Variants in LRRC4C observed in about 807,000 individuals in gnomAD.
LRRC4C encodes leucine-rich repeat-containing protein 4C.
LRRC4C carries 5 observed loss-of-function variants against 33.6 expected under a neutral mutation model. The ratio of observed to expected loss-of-function variants is 0.15; its 90% CI spans 0.08 to 0.31. LRRC4C has a LOEUF of 0.31. Among genes scored for constraint, LRRC4C ranks in the 10% least tolerant of loss-of-function variants. The pLI is 1.00. For missense variants in LRRC4C, 560 were observed against 796.7 expected, an observed-to-expected ratio of 0.70 and a Z score of 3.58; for synonymous variants, 329 against 302.0, an observed-to-expected ratio of 1.09 and a Z score of -0.93.
intron 3 of LRRC4C, among the ~76,000 whole-genome samples, chr11:40,368,216 A>G (rs973842982): frequency 1.1e-4 from 17 of 152,316 alleles, no homozygotes; most frequent in Admixed American, 9.2e-4. Context: ...AGGCTATGAG[A>G]GACTATTGGT....
At chr11:41,398,816 A>G (rs1953918812) in intron 1 of LRRC4C, among the ~76,000 whole-genome samples, 2 of 151,922 alleles carry the variant, frequency 1.3e-5, no homozygotes, top group Non-Finnish European at 2.9e-5. Flanking sequence ...GTAAATTATT[A>G]AATTTCTAAG....
intron 3 of LRRC4C, among the ~76,000 whole-genome samples, chr11:40,390,046 C>T (rs1186305588): frequency 6.6e-6 from 1 of 152,130 alleles, no homozygotes; most frequent in African/African-American, 2.4e-5. Flanking sequence ...CATCAATGAG[C>T]ATTTATAATT....
intron 1 of LRRC4C, among the ~76,000 whole-genome samples, chr11:41,221,234 G>A (rs988924702): frequency 6.6e-6 from 1 of 151,290 alleles, no homozygotes; most frequent in Non-Finnish European, 1.5e-5. Context: ...AGTGGGCAAA[G>A]GACATGAACA....
chr11:40,216,322 T>C (rs1376899837), intron 5 of LRRC4C, among the ~76,000 whole-genome samples: 1 of 152,124 alleles, frequency 6.6e-6, no homozygotes, highest in African/African-American at 2.4e-5. Flanking sequence ...ATGACTGGAA[T>C]CCCAGCTGTA....
intron 1 of LRRC4C, among the ~76,000 whole-genome samples, chr11:41,065,028 G>A (rs777253772): frequency 7.2e-5 from 11 of 152,096 alleles, no homozygotes; most frequent in Admixed American, 4.6e-4. Flanking sequence ...ACACTACAGC[G>A]GCGCCTGGTA....
intron 3 of LRRC4C, among the ~76,000 whole-genome samples, chr11:40,559,068 T>C (rs942329250): frequency 3.3e-5 from 5 of 152,208 alleles, no homozygotes; most frequent in Admixed American, 3.3e-4. Context: ...TAGTATTCCA[T>C]GGTTTATATG....
intron 5 of LRRC4C, among the ~76,000 whole-genome samples, chr11:40,200,044 A>G (rs149153799): frequency 6.6e-6 from 1 of 152,038 alleles, no homozygotes; most frequent in Non-Finnish European, 1.5e-5. Flanking sequence ...CTGCTTGTCA[A>G]TTAAAACTCT....
intron 1 of LRRC4C, among the ~76,000 whole-genome samples, chr11:41,101,432 C>T (rs954551464): frequency 8.6e-5 from 13 of 152,020 alleles, no homozygotes; most frequent in African/African-American, 2.4e-4. Context: ...GAAAGGCAAT[C>T]GAAACCACAA....
At chr11:40,851,202 C>A (rs1953474262) in intron 2 of LRRC4C, among the ~76,000 whole-genome samples, 1 of 151,940 alleles carries the variant, frequency 6.6e-6, no homozygotes, top group East Asian at 1.9e-4. Flanking sequence ...CCTCCTGCAG[C>A]TAGCTTGGCT....
At chr11:40,766,901 G>A (rs1250972682) in intron 2 of LRRC4C, among the ~76,000 whole-genome samples, 2 of 151,536 alleles carry the variant, frequency 1.3e-5, no homozygotes, top group Non-Finnish European at 2.9e-5. Context: ...AAAGAGGAAA[G>A]GAGGGAGGGA....
In LRRC4C at chr11:41,022,142, T is replaced by TTATATATA. The variant is rs142909883; in HGVS notation, c.-495-88427_-495-88420dup. Among the ~76,000 whole-genome samples the TTATATATA allele has an allele frequency of 3.0e-3, 419 of 139,060 alleles. 1 individual carries two copies. Among genetic ancestry groups the TTATATATA allele is most frequent in the African/African-American group, 8.4e-3 (307 of 36,692 alleles). 91.2% of individuals were successfully genotyped at this position (139,060 alleles called of 152,430 possible). A position where few individuals can be genotyped will look rare whatever the true frequency, so the allele number is the denominator to read the frequency against. On this transcript the variant is annotated intron_variant, in intron 1 of 6. Transcript: ENST00000528697. ...AATTTTATGAGCTTACAATTTTGTT[T>TTATATATA]TATATATATATATATATATATATGT...
At chr11:40,933,480 CACTT>C (rs1193088485) in intron 2 of LRRC4C, among the ~76,000 whole-genome samples, 151 bp downstream of exon 2, 1 of 152,244 alleles carries the variant, frequency 6.6e-6, no homozygotes, top group Non-Finnish European at 1.5e-5. Context: ...TTGTTGCACT[CACTT>C]ACATTCCGTG....
intron 3 of LRRC4C, among the ~76,000 whole-genome samples, chr11:40,607,417 T>A (rs1337821203): frequency 6.6e-6 from 1 of 152,128 alleles, no homozygotes; most frequent in African/African-American, 2.4e-5. Flanking sequence ...AAAAAACCTG[T>A]GACCATAGTG....
chr11:40,655,751 G>C (rs377152908), intron 2 of LRRC4C, among the ~76,000 whole-genome samples: 1 of 152,082 alleles, frequency 6.6e-6, no homozygotes, highest in South Asian at 2.1e-4. Flanking sequence ...ATCTCTGGCA[G>C]AGTGTATTAG....
chr11:40,660,382 C>T (rs1485628443), intron 2 of LRRC4C, among the ~76,000 whole-genome samples: 6 of 152,162 alleles, frequency 3.9e-5, no homozygotes, highest in African/African-American at 1.2e-4. Context: ...AAGCAGAACT[C>T]GGGCAAAGGC....
intron 3 of LRRC4C, among the ~76,000 whole-genome samples, chr11:40,535,011 G>T (rs985533281): frequency 6.6e-6 from 1 of 152,100 alleles, no homozygotes; most frequent in South Asian, 2.1e-4. Flanking sequence ...TCTCAATATA[G>T]TATGCAGTAT....
chr11:41,197,291 TTTTCTA>T (rs1364681180), intron 1 of LRRC4C, among the ~76,000 whole-genome samples: 1 of 152,034 alleles, frequency 6.6e-6, no homozygotes. Context: ...AGATTCAGAT[TTTTCTA>T]TTTCTAAGAG....
chr11:40,253,416 T>A (rs1866944433), intron 4 of LRRC4C, among the ~76,000 whole-genome samples: 1 of 152,160 alleles, frequency 6.6e-6, no homozygotes, highest in East Asian at 1.9e-4. Flanking sequence ...AACAGACAGA[T>A]CTTGTTTTGA....
chr11:40,867,961 G>A (rs1954451572), intron 2 of LRRC4C, among the ~76,000 whole-genome samples: 1 of 152,144 alleles, frequency 6.6e-6, no homozygotes, highest in Non-Finnish European at 1.5e-5. Context: ...TTCAGTGAAT[G>A]AAACTCATGT....
Sources: allele counts gnomAD v4.1 joint callset (sites outside exome capture counted in the v4.1 genomes callset), GRCh38; gene constraint gnomAD v4.1.1; transcripts MANE v1.5; gene names NCBI Gene and HGNC (gene_info 2026-07-23, HGNC 2026-07-21).